Variants in JAKMIP3 observed in about 807,000 individuals in gnomAD.
JAKMIP3 encodes Janus kinase and microtubule interacting protein 3.
Under a neutral mutation model 118.5 loss-of-function variants are expected in JAKMIP3, and 58 were observed. The observed-to-expected ratio is 0.49, with a 90% CI of 0.40 to 0.61. JAKMIP3 has a LOEUF of 0.61. Ranked by LOEUF, JAKMIP3 falls within the 20% of genes least tolerant of loss-of-function variation. The pLI, the probability that JAKMIP3 is intolerant of heterozygous loss-of-function variation, is 0.00. For synonymous variants in JAKMIP3, 486 were observed against 451.2 expected, an observed-to-expected ratio of 1.08 and a Z score of -0.98; for missense variants, 950 against 1,109.0, an observed-to-expected ratio of 0.86 and a Z score of 2.04.
In JAKMIP3 at chr10:132,058,976, C is replaced by T. The variant is rs529967669; in HGVS notation, c.-138+22238C>T. Among the ~76,000 whole-genome samples the T allele has an allele frequency of 2.6e-5, 4 of 152,322 alleles. No homozygotes were observed. In the East Asian group the frequency reaches 5.8e-4, roughly 22 times the overall value. Reference sequence around the variant, plus strand: ...ACGTGAGCCTGGCTGCCTGGCTTCACGCCACCGAGGACTGTCCCAGGGCCA... The same window carrying T: ...ACGTGAGCCTGGCTGCCTGGCTTCATGCCACCGAGGACTGTCCCAGGGCCA... On this transcript the variant is annotated intron_variant, in intron 1 of 23. Coordinates refer to the JAKMIP3 transcript ENST00000657785.
At chr10:132,149,317 A>G (rs1369913121) in intron 14 of JAKMIP3, 95 bp from the exon 15 acceptor site, 13 of 777,490 alleles carry the variant, frequency 1.7e-5, no homozygotes, top group Non-Finnish European at 2.7e-5. Flanking sequence ...CCCTGGTTCC[A>G]TGGTCTTGGC....
intron 1 of JAKMIP3, among the ~76,000 whole-genome samples, chr10:132,053,243 G>A (rs1459211782): frequency 6.6e-6 from 1 of 152,212 alleles, no homozygotes; most frequent in African/African-American, 2.4e-5. Context: ...CAAAGTTGGG[G>A]TTTCTCCTTC....
chr10:132,123,400 T>G (rs959479480), intron 3 of JAKMIP3, among the ~76,000 whole-genome samples: 3 of 152,336 alleles, frequency 2.0e-5, no homozygotes, highest in Non-Finnish European at 1.5e-5. Flanking sequence ...AGTTTCTCCT[T>G]CCCGTAAAGA....
intron 19 of JAKMIP3, among the ~76,000 whole-genome samples, chr10:132,162,964 C>G (rs941569487): frequency 6.6e-6 from 1 of 152,236 alleles, no homozygotes; most frequent in Non-Finnish European, 1.5e-5. Flanking sequence ...CTCCCCCACT[C>G]TGGGGTCAGG....
chr10:132,148,067 C>A lies in JAKMIP3; in HGVS notation c.1848+17C>A, dbSNP rs183845236. ...GAGCTTGAGGTAGCTGAGTGGATGG[C>A]CAGCACTGTGGCCTGTGGCTGTGTC... is the stretch of plus-strand genomic sequence containing the variant. On this transcript the variant is annotated intron_variant, in intron 14 of 23. Coordinates refer to ENST00000684848, the MANE Select transcript of JAKMIP3 (RefSeq NM_001323087.2). The A allele has an allele frequency of 2.5e-4, 383 of 1,539,876 alleles. No individual in the cohort carries two copies. In the East Asian group the frequency reaches 6.9e-3, roughly 28 times the overall value.
Position 132,137,261 on chromosome 10 carries a change from A to C in JAKMIP3, c.1256A>C (p.Glu419Ala), listed in dbSNP as rs1261539816. Residue 419 changes from glutamate (E) to alanine (A), a missense_variant, in exon 8 of 24, where the codon GAG (glutamate) becomes GCG (alanine). Coordinates refer to ENST00000684848, the MANE Select transcript of JAKMIP3 (RefSeq NM_001323087.2). ...GCTGTCTTCCTTTCCTAGACCCTTG[A>C]GACCGCCGGCTACGTGAAGAGCGTG... Reference protein sequence around the residue: ...NLIDELSKTLETAGYVKSVLE... With the variant: ...NLIDELSKTLATAGYVKSVLE... 1 of 1,613,912 alleles carries C rather than the reference A, an allele frequency of 6.2e-7. No homozygotes were observed.
chr10:132,112,679 A>G lies in JAKMIP3; in HGVS notation c.136-4398A>G, dbSNP rs76344615. 6.5e-3 allele frequency among the ~76,000 whole-genome samples: 989 copies of G among 152,260 alleles called. 8 individuals are homozygous for G. The highest frequency in any genetic ancestry group is 0.022 in the African/African-American group (933 of 41,538). ...GTGGGTACCTGAATGTTCTGAGCCT[A>G]TAGGAGTGGGGAAATAGTTCCCATG... is the stretch of plus-strand genomic sequence containing the variant. On this transcript the variant is annotated intron_variant, in intron 2 of 23. Coordinates refer to ENST00000684848, the MANE Select transcript of JAKMIP3 (RefSeq NM_001323087.2). The surrounding 1 kb of genome is among the most constrained non-coding windows in gnomAD (Gnocchi z 4.3).
chr10:132,177,893 G>A (rs548428349), intron 23 of JAKMIP3, among the ~76,000 whole-genome samples: 17 of 148,288 alleles, frequency 1.1e-4, no homozygotes, highest in South Asian at 2.2e-4. Flanking sequence ...TGGGTAGTGC[G>A]TGTGTGTGCA....
chr10:132,070,413 G>T (rs1414372250), intron 1 of JAKMIP3, among the ~76,000 whole-genome samples: 2 of 152,184 alleles, frequency 1.3e-5, no homozygotes, highest in Non-Finnish European at 2.9e-5. Context: ...CTCCCAAAGT[G>T]CAGGGATTAC....
Position 132,118,270 on chromosome 10 carries a change from G to A in JAKMIP3, c.633+696G>A, listed in dbSNP as rs1022217270. On this transcript the variant is annotated intron_variant, in intron 3 of 23. Transcript: ENST00000684848. This position sits in a 1 kb window ranked among gnomAD's most constrained non-coding sequence, Gnocchi z 4.8. ...CATGGCAGGCACCAGGAGAGTCGAT[G>A]TTCTCAAAGGCCCAGGGTTCAGCTG... Among the ~76,000 whole-genome samples the A allele has an allele frequency of 6.6e-6, 1 of 152,218 alleles. No homozygotes were observed. The highest frequency in any genetic ancestry group is 1.5e-5 in the Non-Finnish European group (1 of 68,040).
chr10:132,156,962 C>T (rs1308417635), intron 19 of JAKMIP3, among the ~76,000 whole-genome samples: 5 of 152,042 alleles, frequency 3.3e-5, no homozygotes, highest in South Asian at 2.1e-4. Context: ...ACTACGTGCC[C>T]AGCACACAGA....
intron 23 of JAKMIP3, among the ~76,000 whole-genome samples, chr10:132,180,426 G>T (rs2060636415): frequency 6.7e-6 from 1 of 148,904 alleles, no homozygotes; most frequent in Admixed American, 6.6e-5. Context: ...GAAAGGGGAG[G>T]GTGGGTGGGA....
At chr10:132,134,662 G>A (rs2051358920) in intron 4 of JAKMIP3, among the ~76,000 whole-genome samples, 2 of 152,252 alleles carry the variant, frequency 1.3e-5, no homozygotes, top group African/African-American at 2.4e-5. Context: ...CCAGGCAGAG[G>A]GCTGGGAGCT....
intron 2 of JAKMIP3, among the ~76,000 whole-genome samples, chr10:132,111,871 G>A (rs538689404): frequency 1.4e-4 from 21 of 152,290 alleles, no homozygotes; most frequent in South Asian, 1.0e-3. Flanking sequence ...GTGGGAGGCA[G>A]CTGCTCAGAG....
At chr10:132,041,039 G>A (rs1435687265) in intron 1 of JAKMIP3, among the ~76,000 whole-genome samples, 6 of 152,130 alleles carry the variant, frequency 3.9e-5, no homozygotes, top group Non-Finnish European at 8.8e-5. Context: ...AGCGGCATTC[G>A]TCAGATGTGC....
intron 3 of JAKMIP3, among the ~76,000 whole-genome samples, chr10:132,129,639 C>G (rs759797759): frequency 6.6e-6 from 1 of 152,104 alleles, no homozygotes; most frequent in Non-Finnish European, 1.5e-5. Flanking sequence ...GGCGGGGCCC[C>G]GTGATGAGAG....
chr10:132,089,251 A>T (rs2042812825), intron 1 of JAKMIP3, among the ~76,000 whole-genome samples: 1 of 152,166 alleles, frequency 6.6e-6, no homozygotes, highest in Non-Finnish European at 1.5e-5. Context: ...GAAGAAAGTC[A>T]TTGGTAGCTT....
intron 19 of JAKMIP3, among the ~76,000 whole-genome samples, chr10:132,162,298 G>A (rs1391592379): frequency 2.0e-5 from 3 of 152,232 alleles, no homozygotes; most frequent in Non-Finnish European, 2.9e-5. Context: ...CCCACAGTTC[G>A]TGTCACCACG....
chr10:132,167,864 GCCCTCGC>G lies in JAKMIP3; in HGVS notation c.*23-75_*23-69del, dbSNP rs200553685. 2.7e-4 allele frequency: 228 copies of G among 847,526 alleles called. 1 individual carries two copies. In the African/African-American group the frequency reaches 3.1e-3, roughly 11 times the overall value. 52.5% of individuals were successfully genotyped at this position (847,526 alleles called of 1,614,324 possible). The stretch of plus-strand genomic sequence containing the variant: ...CTCGCCCCTCGCCCCTCACCCCTCG[GCCCTCGC>G]CCCTCGCCCCTCGGCCCTCGCCCCT... On this transcript the variant is annotated intron_variant, in intron 22 of 23. Coordinates refer to ENST00000684848, the MANE Select transcript of JAKMIP3 (RefSeq NM_001323087.2).
Sources: allele counts gnomAD v4.1 joint callset (sites outside exome capture counted in the v4.1 genomes callset), GRCh38; gene constraint gnomAD v4.1.1; non-coding constraint Gnocchi (gnomAD v3.1); transcripts MANE v1.5; gene names NCBI Gene and HGNC (gene_info 2026-07-23, HGNC 2026-07-21).